Variants in BCKDHB observed in about 807,000 individuals in gnomAD.
BCKDHB encodes branched chain keto acid dehydrogenase E1 subunit beta, also known as 2-oxoisovalerate dehydrogenase subunit beta, mitochondrial.
Under a neutral mutation model 48.5 loss-of-function variants are expected in BCKDHB, and 41 were observed. The observed-to-expected ratio is 0.85, with a 90% CI of 0.66 to 1.10. BCKDHB has a LOEUF of 1.10. Ranked by LOEUF, BCKDHB falls within the 50% of genes least tolerant of loss-of-function variation. The pLI is 0.00. For missense variants in BCKDHB, 496 were observed against 494.2 expected, an observed-to-expected ratio of 1.00 and a Z score of -0.03; for synonymous variants, 201 against 174.8, an observed-to-expected ratio of 1.15 and a Z score of -1.18.
At chr6:80,161,315 T>C (rs193058600) in intron 3 of BCKDHB, among the ~76,000 whole-genome samples, 2 of 152,318 alleles carry the variant, frequency 1.3e-5, no homozygotes, top group Admixed American at 1.3e-4. Flanking sequence ...AGCTAAGCTG[T>C]GTGAAATTAT....
Position 80,175,585 on chromosome 6 carries a change from T to TA in BCKDHB, c.742+4195_742+4196insA, listed in dbSNP as rs1562110449. ...GGCAAAAATTTGAAGAAAATGTTAC[T>TA]GGTCATTGCAGTGCCCTTTAAACGA... On this transcript the variant is annotated intron_variant, in intron 6 of 9. Transcript: ENST00000320393. Among the ~76,000 whole-genome samples, 89 of 152,354 alleles carry TA rather than the reference T, an allele frequency of 5.8e-4. 1 individual carries two copies. The East Asian group carries it at 0.016, about 27-fold the overall frequency.
At chr6:80,341,060 G>A (rs1326688417) in intron 9 of BCKDHB, among the ~76,000 whole-genome samples, 1 of 152,170 alleles carries the variant, frequency 6.6e-6, no homozygotes, top group Non-Finnish European at 1.5e-5. Context: ...TTGGTGAAGA[G>A]AATTTCAAGC....
chr6:80,427,961 C>T, the BCKDHB span, among the ~76,000 whole-genome samples: 1 of 151,914 alleles, frequency 6.6e-6, no homozygotes, highest in Non-Finnish European at 1.5e-5. Context: ...ATACACGTGC[C>T]AGGGTGGTTT....
the BCKDHB span, among the ~76,000 whole-genome samples, chr6:80,426,966 C>T: frequency 6.6e-6 from 1 of 152,158 alleles, no homozygotes; most frequent in South Asian, 2.1e-4. Flanking sequence ...TTTCTTTTCT[C>T]AGTTCCATTA....
In BCKDHB at chr6:80,343,752, T is replaced by A; in HGVS notation, c.1127T>A (p.Ile376Asn). The A allele has an allele frequency of 6.2e-7, 1 of 1,613,956 alleles. No homozygotes were observed. The change falls in exon 10 of 10, where the codon ATC becomes AAC. Residue 376 changes from isoleucine to asparagine, a missense_variant. Coordinates refer to ENST00000320393, the MANE Select transcript of BCKDHB (RefSeq NM_183050.4). ...PFPHIFEPFY[I>N]PDKWKCYDAL... ...CCTCACATTTTTGAACCATTCTACA[T>A]CCCAGACAAATGGAAGTGTTATGAT...
At chr6:80,415,636 T>G in the BCKDHB span, among the ~76,000 whole-genome samples, 2 of 152,074 alleles carry the variant, frequency 1.3e-5, no homozygotes, top group African/African-American at 4.8e-5. Context: ...TGATAAGGCT[T>G]GATAAGCTTT....
chr6:80,337,126 A>T (rs1769632286), intron 9 of BCKDHB, among the ~76,000 whole-genome samples: 2 of 152,118 alleles, frequency 1.3e-5, no homozygotes, highest in African/African-American at 4.8e-5. Context: ...AGAAAGTGTG[A>T]TTCAAGAGAC....
At chr6:80,420,666 A>G in the BCKDHB span, among the ~76,000 whole-genome samples, 2 of 152,070 alleles carry the variant, frequency 1.3e-5, no homozygotes, top group African/African-American at 2.4e-5. Flanking sequence ...GCTTAGCAAG[A>G]TTCATGGCCA....
chr6:80,120,732 G>C (rs1769964085), intron 1 of BCKDHB, among the ~76,000 whole-genome samples: 1 of 152,096 alleles, frequency 6.6e-6, no homozygotes, highest in South Asian at 2.1e-4. Flanking sequence ...TTGTAAATTT[G>C]TTTGAGTTCT....
chr6:80,382,322 T>C, the BCKDHB span, among the ~76,000 whole-genome samples: 1 of 150,438 alleles, frequency 6.6e-6, no homozygotes, highest in Non-Finnish European at 1.5e-5. Flanking sequence ...TAAAAGAGCA[T>C]TGAAATAACA....
At chr6:80,257,374 G>A (rs2127945131) in intron 8 of BCKDHB, among the ~76,000 whole-genome samples, 1 of 148,754 alleles carries the variant, frequency 6.7e-6, no homozygotes, top group Non-Finnish European at 1.5e-5. Context: ...TTGTGTATGT[G>A]TATATATACA....
At chr6:80,235,706 C>T (rs964879798) in intron 8 of BCKDHB, among the ~76,000 whole-genome samples, 1 of 152,194 alleles carries the variant, frequency 6.6e-6, no homozygotes, top group Non-Finnish European at 1.5e-5. Context: ...TTGTGTTCTA[C>T]CAATTCTCCT....
At chr6:80,337,692 A>G (rs1769666364) in intron 9 of BCKDHB, among the ~76,000 whole-genome samples, 1 of 152,062 alleles carries the variant, frequency 6.6e-6, no homozygotes, top group Non-Finnish European at 1.5e-5. Flanking sequence ...GTGGTAGTAT[A>G]ATGATTACAT....
chr6:80,129,226 T>C lies in BCKDHB; in HGVS notation c.340T>C (p.Tyr114His). 6.2e-7 allele frequency: 1 copy of C among 1,607,906 alleles called. No individual in the cohort carries two copies. Among genetic ancestry groups the C allele is most frequent in the Non-Finnish European group, 8.5e-7 (1 of 1,175,066 alleles). ...ATGCACTGTTGGCTTGCGAGACAAA[T>C]ATGGTAAGTAAATACCTATATGAAT... is the stretch of plus-strand genomic sequence containing the variant. ...FRCTVGLRDK[Y>H]GKDRVFNTPL... The change falls in exon 3 of 10, where the codon TAT becomes CAT. Residue 114 changes from tyrosine (Y) to histidine (H), a missense_variant. By Grantham distance (83) the Tyr-to-His change is moderately conservative. Transcript: ENST00000320393.
At chr6:80,300,142 C>T (rs1348860471) in intron 9 of BCKDHB, among the ~76,000 whole-genome samples, 2 of 152,030 alleles carry the variant, frequency 1.3e-5, no homozygotes, top group Non-Finnish European at 2.9e-5. Flanking sequence ...TCCTTGACTT[C>T]CAGAGCCCAG....
chr6:80,154,614 AAAG>A (rs764423967), intron 3 of BCKDHB, among the ~76,000 whole-genome samples: 2 of 152,158 alleles, frequency 1.3e-5, no homozygotes, highest in South Asian at 4.1e-4. Context: ...TTGGCAAACA[AAAG>A]AAGACCTAAA....
intron 8 of BCKDHB, among the ~76,000 whole-genome samples, chr6:80,241,263 A>G (rs1362979543): frequency 6.6e-6 from 1 of 152,154 alleles, no homozygotes; most frequent in Non-Finnish European, 1.5e-5. Flanking sequence ...AACTCGTCAA[A>G]GTCATTCTCC....
At chr6:80,398,389 G>A in the BCKDHB span, among the ~76,000 whole-genome samples, 1 of 152,112 alleles carries the variant, frequency 6.6e-6, no homozygotes, top group Non-Finnish European at 1.5e-5. Flanking sequence ...AAACTACAAA[G>A]TGAATGTTAC....
At chr6:80,211,279 G>T (rs1253243326) in intron 8 of BCKDHB, among the ~76,000 whole-genome samples, 1 of 152,156 alleles carries the variant, frequency 6.6e-6, no homozygotes, top group Non-Finnish European at 1.5e-5. Flanking sequence ...AAATGTATAA[G>T]AATTTGCCTT....
Sources: gnomAD v4.1 joint callset for allele counts (sites outside exome capture counted in the v4.1 genomes callset) on GRCh38, gnomAD v4.1.1 for gene constraint, MANE v1.5 for transcripts, NCBI Gene and HGNC (gene_info 2026-07-23, HGNC 2026-07-21) for gene names.